Variants in LMLN observed in about 807,000 individuals in gnomAD.
The protein encoded by LMLN is leishmanolysin like peptidase.
LMLN carries 70 observed loss-of-function variants against 92.3 expected under a neutral mutation model. The observed-to-expected ratio is 0.76, with a 90% CI of 0.63 to 0.92. LMLN has a LOEUF of 0.92. LMLN is among the 40% of genes least tolerant of loss of function. LMLN has a pLI of 0.00. For synonymous variants in LMLN, 308 were observed against 296.2 expected (o/e 1.04, Z -0.41); for missense variants, 691 against 814.6 (o/e 0.85, Z 1.85).
intron 11 of LMLN, among the ~76,000 whole-genome samples, chr3:198,000,484 G>A (rs879591814): frequency 6.6e-6 from 1 of 152,168 alleles, no homozygotes; most frequent in Non-Finnish European, 1.5e-5. Context: ...CTGGAGTGCA[G>A]TGGTGTGATC....
intron 3 of LMLN, 145 bp downstream of exon 3, chr3:197,975,217 G>A: frequency 1.9e-6 from 1 of 517,210 alleles, no homozygotes; most frequent in Admixed American, 3.6e-5. Context: ...TTTCACAAAA[G>A]GTGTCTTTGT....
chr3:197,986,680 A>G (rs1721716007), intron 8 of LMLN, among the ~76,000 whole-genome samples: 1 of 152,194 alleles, frequency 6.6e-6, no homozygotes, highest in African/African-American at 2.4e-5. Flanking sequence ...TGCCATGGAA[A>G]AACAGGAATT....
intron 14 of LMLN, among the ~76,000 whole-genome samples, chr3:198,035,628 G>A (rs1415317201): frequency 6.6e-6 from 1 of 151,982 alleles, no homozygotes; most frequent in Non-Finnish European, 1.5e-5. Flanking sequence ...CCCAAAGAGT[G>A]GGATTACAGG....
intron 14 of LMLN, among the ~76,000 whole-genome samples, chr3:198,027,356 T>C (rs545946649): frequency 3.3e-5 from 5 of 152,168 alleles, no homozygotes; most frequent in Admixed American, 2.6e-4. Flanking sequence ...CACTGGGCTT[T>C]TTTTTCTTAA....
rs142402974 is a variant in LMLN, at chr3:198,022,400, A to G, written c.1525+795A>G. The stretch of plus-strand genomic sequence containing the variant: ...GTAAGTAGTTTTTCTCTCTGTGTTC[A>G]TCAGAAGTTTTAACCTAGTCTCCAA... On this transcript the variant is annotated intron_variant, in intron 13 of 15. Coordinates refer to ENST00000330198, the Ensembl canonical transcript of LMLN. 5.1e-3 allele frequency among the ~76,000 whole-genome samples: 783 copies of G among 152,328 alleles called. 4 individuals carry two copies. The highest frequency in any genetic ancestry group is 9.0e-3 in the Non-Finnish European group (609 of 68,010).
At chr3:198,003,544 C>T (rs545694712) in intron 11 of LMLN, among the ~76,000 whole-genome samples, 1 of 152,172 alleles carries the variant, frequency 6.6e-6, no homozygotes, top group South Asian at 2.1e-4. Flanking sequence ...AATCACCTAG[C>T]AAGCTTTTAA....
chr3:198,005,977 C>T (rs188941185), intron 11 of LMLN, among the ~76,000 whole-genome samples: 29 of 152,100 alleles, frequency 1.9e-4, no homozygotes, highest in African/African-American at 5.5e-4. Flanking sequence ...ATTAGCCAGG[C>T]GTGGTGGTGG....
chr3:197,999,232 T>C (rs1722106759), intron 10 of LMLN, 34 bp from the exon 11 acceptor site: 1 of 1,467,046 alleles, frequency 6.8e-7, no homozygotes, highest in East Asian at 2.3e-5. Flanking sequence ...TTGCAGAGAA[T>C]CTAGTCTAAT....
At chr3:197,993,233 CTTG>C (rs1721925529) in intron 9 of LMLN, among the ~76,000 whole-genome samples, 1 of 152,042 alleles carries the variant, frequency 6.6e-6, no homozygotes, top group Non-Finnish European at 1.5e-5. Flanking sequence ...ACTCTTACCA[CTTG>C]TACATAGTAT....
intron 7 of LMLN, 72 bp from the exon 8 acceptor site, chr3:197,985,724 C>T: frequency 1.0e-6 from 1 of 1,000,744 alleles, no homozygotes; most frequent in Non-Finnish European, 1.6e-6. Context: ...TATCAGTGCT[C>T]TCTTTTGATC....
Position 198,011,735 on chromosome 3 carries a change from C to T in LMLN, c.1233-7518C>T, listed in dbSNP as rs553368575. Among the ~76,000 whole-genome samples the T allele has an allele frequency of 2.8e-4, 43 of 151,912 alleles. 1 individual carries two copies. The East Asian group carries it at 7.3e-3, about 26-fold the overall frequency. ...CAATGGTTGAACTAGTTTACAGTCC[C>T]ACCAACAATGTAAAAGTGTTCCTAT... On this transcript the variant is annotated intron_variant, in intron 11 of 15. Transcript: ENST00000330198.
At chr3:198,020,831 C>T (rs565699038) in intron 12 of LMLN, among the ~76,000 whole-genome samples, 4 of 122,842 alleles carry the variant, frequency 3.3e-5, no homozygotes, top group African/African-American at 1.3e-4. Context: ...ATATGTTGGC[C>T]GGGCTGGTCT....
intron 1 of LMLN, among the ~76,000 whole-genome samples, chr3:197,968,849 TTG>T (rs1470633751): frequency 6.6e-6 from 1 of 152,238 alleles, no homozygotes; most frequent in Non-Finnish European, 1.5e-5. Flanking sequence ...ATTTTCTTTT[TTG>T]AAAGTCATAA....
intron 11 of LMLN, among the ~76,000 whole-genome samples, chr3:198,013,217 C>T (rs868842043): frequency 1.5e-4 from 16 of 105,204 alleles, no homozygotes; most frequent in South Asian, 3.1e-4. Flanking sequence ...CTTCAGAGCC[C>T]CTTAACTAGT....
intron 11 of LMLN, among the ~76,000 whole-genome samples, chr3:198,016,587 G>A (rs868260723): frequency 2.0e-5 from 3 of 152,202 alleles, no homozygotes; most frequent in Admixed American, 1.3e-4. Flanking sequence ...CCACTGTTCC[G>A]GTGTGTCAAA....
intron 14 of LMLN, among the ~76,000 whole-genome samples, chr3:198,030,992 G>A (rs951446135): frequency 1.5e-4 from 23 of 150,510 alleles, no homozygotes; most frequent in East Asian, 1.2e-3. Flanking sequence ...AGTTTCCACC[G>A]TGACGCCTGC....
intron 5 of LMLN, among the ~76,000 whole-genome samples, chr3:197,978,160 T>C (rs1246729907): frequency 6.6e-6 from 1 of 152,070 alleles, no homozygotes; most frequent in East Asian, 1.9e-4. Context: ...ACGTTAAATC[T>C]GGATACATAT....
At chr3:197,984,158 T>A in intron 7 of LMLN, 110 bp downstream of exon 7, 1 of 666,162 alleles carries the variant, frequency 1.5e-6, no homozygotes, top group Non-Finnish European at 2.7e-6. Flanking sequence ...CCTAGACTCA[T>A]GTTCGTGCAC....
chr3:197,996,242 T>C (rs1310834592), exon 10 of LMLN: 1 of 1,605,768 alleles, frequency 6.2e-7, no homozygotes, highest in Non-Finnish European at 8.5e-7. Context: ...CAAGGTGGTG[T>C]GGGCACTGAG....
Sources: gnomAD v4.1 joint callset for allele counts (sites outside exome capture counted in the v4.1 genomes callset) on GRCh38, gnomAD v4.1.1 for gene constraint, MANE v1.5 for transcripts, NCBI Gene and HGNC (gene_info 2026-07-23, HGNC 2026-07-21) for gene names.